The following FEZ1 variants were observed in gnomAD, a reference collection of about 807,000 sequenced individuals.
FEZ1 encodes fasciculation and elongation protein zeta 1.
In FEZ1, 20 loss-of-function variants were observed where a neutral mutation model predicts 49.3. The observed-to-expected ratio is 0.41, with a 90% CI of 0.29 to 0.59. FEZ1 has a LOEUF of 0.59. Among genes scored for constraint, FEZ1 ranks in the 20% least tolerant of loss-of-function variants. The pLI, the probability that FEZ1 is intolerant of heterozygous loss-of-function variation, is 0.36. For synonymous variants in FEZ1, 170 were observed against 180.9 expected, an observed-to-expected ratio of 0.94 and a Z score of 0.48; for missense variants, 413 against 476.0, an observed-to-expected ratio of 0.87 and a Z score of 1.23.
At chr11:125,457,483 C>CAT (rs777909932) in intron 5 of FEZ1, among the ~76,000 whole-genome samples, 2,084 of 47,470 alleles carry the variant, frequency 0.044, 72 homozygotes, top group African/African-American at 0.13. Flanking sequence ...TATATATACA[C>CAT]ATATATGTGT....
chr11:125,477,501 T>TCACA (rs546051747), intron 3 of FEZ1, among the ~76,000 whole-genome samples: 1 of 151,654 alleles, frequency 6.6e-6, no homozygotes, highest in Non-Finnish European at 1.5e-5. Flanking sequence ...TGTGACTCCA[T>TCACA]CACACACACA....
intron 1 of FEZ1, among the ~76,000 whole-genome samples, chr11:125,490,765 T>C (rs1164227974): frequency 6.6e-6 from 1 of 152,160 alleles, no homozygotes; most frequent in Non-Finnish European, 1.5e-5. Flanking sequence ...TGAGTTGTTT[T>C]TGTTTCGTTT....
At position 125,495,872 on chromosome 11, in the gene FEZ1, G is replaced by A. The variant is rs1957464006; in HGVS notation, c.-46+249C>T. 1 of 306,426 alleles carries A rather than the reference G, an allele frequency of 3.3e-6. No homozygotes were observed. 19.0% of individuals were successfully genotyped at this position (306,426 alleles called of 1,614,324 possible). A position where few individuals can be genotyped will look rare whatever the true frequency, so the allele number is the denominator to read the frequency against. On this transcript the variant is annotated intron_variant, in intron 1 of 9. Coordinates refer to ENST00000278919, the MANE Select transcript of FEZ1 (RefSeq NM_005103.5). This position sits in a 1 kb window ranked among gnomAD's most constrained non-coding sequence, Gnocchi z 4.2. ...GGAGGGCCGATGCTGAGATGATACT[G>A]GAAGTGCCCATCATCCCACATCTCC...
intron 3 of FEZ1, among the ~76,000 whole-genome samples, chr11:125,481,052 A>C (rs1957274704): frequency 1.3e-5 from 2 of 152,230 alleles, no homozygotes; most frequent in Admixed American, 6.5e-5. Context: ...AAAAGAAAAA[A>C]AAAAAAAGGA....
At position 125,445,060 on chromosome 11, in the gene FEZ1, G is replaced by A. The variant is rs959052439; in HGVS notation, c.*1035C>T. 6.6e-6 allele frequency among the ~76,000 whole-genome samples: 1 copy of A among 152,320 alleles called. No homozygotes were observed. Among genetic ancestry groups the A allele is most frequent in the East Asian group, 1.9e-4 (1 of 5,180 alleles). On this transcript the variant is annotated 3_prime_UTR_variant, in exon 10 of 10. Transcript: ENST00000278919. The surrounding 1 kb of genome is among the most constrained non-coding windows in gnomAD (Gnocchi z 4.4). ...TTCAGACTGTGGTGAGATCGAGCCA[G>A]CATCCGGGATACGAGGAGACCTTCG...
intron 9 of FEZ1, among the ~76,000 whole-genome samples, chr11:125,446,594 C>T (rs1486726182): frequency 6.6e-6 from 1 of 152,166 alleles, no homozygotes; most frequent in Non-Finnish European, 1.5e-5. Flanking sequence ...AAATGTGCTG[C>T]TCTTTTAAAA....
At chr11:125,457,135 A>G (rs2052714853) in intron 5 of FEZ1, among the ~76,000 whole-genome samples, 1 of 148,860 alleles carries the variant, frequency 6.7e-6, no homozygotes, top group South Asian at 2.2e-4. Flanking sequence ...GTGAGCAGAG[A>G]TCACACCACT....
rs774184375 is a variant in FEZ1, at chr11:125,456,053, C to G, written c.721G>C (p.Gly241Arg). The G allele has an allele frequency of 3.1e-6, 5 of 1,611,874 alleles. No individual in the cohort carries two copies. The East Asian group carries it at 1.1e-4, about 36-fold the overall frequency. Residue 241 changes from glycine to arginine, a missense_variant, in exon 6 of 10, where the codon GGT (glycine) becomes CGT (arginine). Physicochemically the swap from Gly to Arg is moderately radical, Grantham distance 125. Transcript: ENST00000278919. ...ELTELLDQVE[G>R]AIRDFSEELV... The stretch of plus-strand genomic sequence containing the variant: ...TCCTCCGAGAAGTCACGGATGGCAC[C>G]CTCCACCTGGTCCAGCAGCTCGGTC...
intron 9 of FEZ1, among the ~76,000 whole-genome samples, chr11:125,448,275 T>C (rs1388555812): frequency 6.6e-6 from 1 of 152,228 alleles, no homozygotes; most frequent in Non-Finnish European, 1.5e-5. Flanking sequence ...GTTGGTTTGT[T>C]GCTCCAAGGA....
chr11:125,493,362 A>AGAAAAGAAAG (rs1957403663), intron 1 of FEZ1, among the ~76,000 whole-genome samples: 23 of 49,574 alleles, frequency 4.6e-4, no homozygotes, highest in South Asian at 8.2e-4. Context: ...AGAAAGAGAG[A>AGAAAAGAAAG]AAAGAAAGAA....
At position 125,467,673 on chromosome 11, in the gene FEZ1, C is replaced by G. The variant is rs920966591; in HGVS notation, c.412-4103G>C. On this transcript the variant is annotated intron_variant, in intron 3 of 9. Transcript: ENST00000278919. ...GCAACATAGTGAAACTCTGTCTCTA[C>G]AAAAAAAATGAACAAAATTAGCCAG... is the stretch of plus-strand genomic sequence containing the variant. Among the ~76,000 whole-genome samples, 3 of 151,764 alleles carry G rather than the reference C, an allele frequency of 2.0e-5. 1 individual carries two copies. The highest frequency in any genetic ancestry group is 2.0e-4 in the Admixed American group (3 of 15,212).
intron 1 of FEZ1, among the ~76,000 whole-genome samples, chr11:125,493,445 A>G (rs1957413841): frequency 2.0e-5 from 1 of 49,316 alleles, no homozygotes; most frequent in South Asian, 6.7e-4. Context: ...AAAGAAGGAA[A>G]GAAGGAAAGA....
chr11:125,467,682 T>C (rs2135758340), intron 3 of FEZ1, among the ~76,000 whole-genome samples: 1 of 152,028 alleles, frequency 6.6e-6, no homozygotes, highest in East Asian at 1.9e-4. Context: ...ACAAAAAAAA[T>C]GAACAAAATT....
At position 125,444,241 on chromosome 11, in the gene FEZ1, G is replaced by C. The variant is rs1302445611; in HGVS notation, c.*1854C>G. On this transcript the variant is annotated 3_prime_UTR_variant, in exon 10 of 10. Coordinates refer to ENST00000278919, the MANE Select transcript of FEZ1 (RefSeq NM_005103.5). ...GGCATTGCAGCAGTTTTCCTGGGGG[G>C]ATAAGTCTCCGCCACCCCTAGCTAA... Among the ~76,000 whole-genome samples, 1 of 152,168 alleles carries C rather than the reference G, an allele frequency of 6.6e-6. No individual in the cohort carries two copies. Among genetic ancestry groups the C allele is most frequent in the Non-Finnish European group, 1.5e-5 (1 of 68,036 alleles).
At chr11:125,482,974 TAAAAAAAAAAAAA>T (rs56169482) in intron 2 of FEZ1, among the ~76,000 whole-genome samples, 8 of 28,740 alleles carry the variant, frequency 2.8e-4, no homozygotes, top group Non-Finnish European at 4.1e-4. Context: ...CAAGACACTG[TAAAAAAAAAAAAA>T]AAAAAAAAAA....
In FEZ1 at chr11:125,489,893, C is replaced by T. The variant is rs770715309; in HGVS notation, c.-45-71G>A. 1.3e-5 allele frequency: 17 copies of T among 1,304,926 alleles called. No homozygotes were observed. The highest frequency in any genetic ancestry group is 1.7e-5 in the Non-Finnish European group (17 of 998,914). The allele number at this position is 1,304,926 out of a possible 1,614,324, so 80.8% of individuals were successfully genotyped here. On this transcript the variant is annotated intron_variant, in intron 1 of 9. Transcript: ENST00000278919. This position sits in a 1 kb window ranked among gnomAD's most constrained non-coding sequence, Gnocchi z 4.2. The stretch of plus-strand genomic sequence containing the variant: ...TAAATAATAGAGTTAACTTTAGAGA[C>T]ACACCTGCTTCCAATTCCCTACTCC...
intron 3 of FEZ1, among the ~76,000 whole-genome samples, chr11:125,465,506 A>T (rs1025623643): frequency 6.6e-6 from 1 of 152,170 alleles, no homozygotes; most frequent in Non-Finnish European, 1.5e-5. Context: ...CAAAGCCTCC[A>T]GGTCTGAATT....
chr11:125,464,731 A>G (rs1391908647), intron 3 of FEZ1, among the ~76,000 whole-genome samples: 2 of 152,194 alleles, frequency 1.3e-5, no homozygotes, highest in Non-Finnish European at 2.9e-5. Context: ...TAAAAAAGAA[A>G]AAAAAAATTA....
At chr11:125,487,801 T>G (rs1157798765) in intron 2 of FEZ1, among the ~76,000 whole-genome samples, 1 of 152,244 alleles carries the variant, frequency 6.6e-6, no homozygotes, top group African/African-American at 2.4e-5. Flanking sequence ...ATTTGCACAT[T>G]GCACTGTATT....
Sources: allele counts gnomAD v4.1 joint callset (sites outside exome capture counted in the v4.1 genomes callset), GRCh38; gene constraint gnomAD v4.1.1; non-coding constraint Gnocchi (gnomAD v3.1); transcripts MANE v1.5; gene names NCBI Gene and HGNC (gene_info 2026-07-23, HGNC 2026-07-21).